PCDHGA6: variants seen among roughly 807,000 people sequenced by gnomAD.
PCDHGA6 encodes the protein protocadherin gamma-A6.
In PCDHGA6, 41 loss-of-function variants were observed where a neutral mutation model predicts 60.6. The ratio of observed to expected loss-of-function variants is 0.68; its 90% CI spans 0.53 to 0.88. The LOEUF (loss-of-function observed/expected upper bound fraction) is 0.88, where lower values mean the gene tolerates loss of function less well. PCDHGA6 is among the 40% of genes least tolerant of loss of function. The pLI is 0.00. For missense variants in PCDHGA6, 1,312 were observed against 1,203.0 expected, an observed-to-expected ratio of 1.09 and a Z score of -1.34; for synonymous variants, 594 against 524.4, an observed-to-expected ratio of 1.13 and a Z score of -1.81.
chr5:141,510,448 C>T (rs1339979584), intron 3 of PCDHGA6, among the ~76,000 whole-genome samples: 1 of 152,016 alleles, frequency 6.6e-6, no homozygotes, highest in Non-Finnish European at 1.5e-5. Context: ...TCCAGGAGCC[C>T]ATGGTCTAGT....
chr5:141,508,171 A>G (rs1364776681), intron 3 of PCDHGA6: 2 of 152,406 alleles, frequency 1.3e-5, no homozygotes, highest in African/African-American at 4.8e-5. Context: ...AGGCTGGCAC[A>G]GGAGAGAAGG....
chr5:141,482,728 A>T (rs192207285), intron 1 of PCDHGA6, among the ~76,000 whole-genome samples: 97 of 128,396 alleles, frequency 7.6e-4, no homozygotes, highest in Admixed American at 3.3e-3. Context: ...GGGCCATTGC[A>T]AGAAATTCCA....
rs950537869 is a variant in PCDHGA6, at chr5:141,432,150, A to G, written c.2424+55643A>G. 6.2e-7 allele frequency: 1 copy of G among 1,614,010 alleles called. No homozygotes were observed. On this transcript the variant is annotated intron_variant, in intron 1 of 3. Coordinates refer to ENST00000517434, the MANE Select transcript of PCDHGA6 (RefSeq NM_018919.3). The surrounding 1 kb of genome is among the most constrained non-coding windows in gnomAD (Gnocchi z 6.0). ...TCCTATTCCGCTTATATCCCAGAGA[A>G]CAATCCCAGAGGAGTTTCCCTCGTC...
In PCDHGA6 at chr5:141,488,566, A is replaced by T. The variant is rs1354931497; in HGVS notation, c.2425-6241A>T. On this transcript the variant is annotated intron_variant, in intron 1 of 3. Coordinates refer to ENST00000517434, the MANE Select transcript of PCDHGA6 (RefSeq NM_018919.3). ...TGTCAGCTGACATTGAGATTTCCGC[A>T]AAGCATTGCTGGAGAGTCAGGGCAA... 5.9e-5 allele frequency among the ~76,000 whole-genome samples: 9 copies of T among 152,324 alleles called. No individual in the cohort carries two copies. In the East Asian group the frequency reaches 1.5e-3, roughly 26 times the overall value.
At chr5:141,430,834 G>T (rs1317415848) in intron 1 of PCDHGA6, 1 of 1,557,712 alleles carries the variant, frequency 6.4e-7, no homozygotes, top group Non-Finnish European at 8.7e-7. Context: ...CTCTGTGGGA[G>T]ACCGGATGCA....
At position 141,491,413 on chromosome 5, in the gene PCDHGA6, G is replaced by A. The variant is rs1193417991; in HGVS notation, c.2425-3394G>A. 5.6e-6 allele frequency: 9 copies of A among 1,613,946 alleles called. No individual in the cohort carries two copies. Among genetic ancestry groups the A allele is most frequent in the Non-Finnish European group, 7.6e-6 (9 of 1,179,986 alleles). On this transcript the variant is annotated intron_variant, in intron 1 of 3. Transcript: ENST00000517434. The surrounding 1 kb of genome is among the most constrained non-coding windows in gnomAD (Gnocchi z 6.9). Reference sequence around the variant, plus strand: ...CCTTCAGGGAAACGCAGACGGGGACGGGGGTGGAGGGCAGTGCTGCAGGCG... The same window carrying A: ...CCTTCAGGGAAACGCAGACGGGGACAGGGGTGGAGGGCAGTGCTGCAGGCG...
chr5:141,476,977 C>T lies in PCDHGA6; in HGVS notation c.2425-17830C>T, dbSNP rs141692339. 3,083 of 1,614,232 alleles carry T rather than the reference C, an allele frequency of 1.9e-3. 52 individuals carry two copies. The African/African-American group carries it at 0.034, about 18-fold the overall frequency. Reference sequence around the variant, plus strand: ...TTATTTACTCCTTCGGCAGCCACAACCGCGCCGGCGTGCGGCAACTATTCG... The same window carrying T: ...TTATTTACTCCTTCGGCAGCCACAATCGCGCCGGCGTGCGGCAACTATTCG... On this transcript the variant is annotated intron_variant, in intron 1 of 3. Coordinates refer to ENST00000517434, the MANE Select transcript of PCDHGA6 (RefSeq NM_018919.3). This position sits in a 1 kb window ranked among gnomAD's most constrained non-coding sequence, Gnocchi z 7.6.
At chr5:141,482,530 C>CTAAAAA in intron 1 of PCDHGA6, among the ~76,000 whole-genome samples, 1 of 76,560 alleles carries the variant, frequency 1.3e-5, no homozygotes, top group African/African-American at 4.8e-5. Context: ...GACAGACATG[C>CTAAAAA]AAAAAAAAAA....
rs2097423534 is a variant in PCDHGA6 at position 141,431,850 on chromosome 5, C to A, written c.2424+55343C>A. 6.2e-7 allele frequency: 1 copy of A among 1,614,234 alleles called. No individual in the cohort carries two copies. ...GTTCCCGAAAACTCTCCCAGAGGGA[C>A]ATTAATTGCCCTTTTAAATGTAAAT... On this transcript the variant is annotated intron_variant, in intron 1 of 3. Coordinates refer to ENST00000517434, the MANE Select transcript of PCDHGA6 (RefSeq NM_018919.3). This position sits in a 1 kb window ranked among gnomAD's most constrained non-coding sequence, Gnocchi z 4.8.
Position 141,430,867 on chromosome 5 carries a change from G to T in PCDHGA6, c.2424+54360G>T, listed in dbSNP as rs1157718106. ...GCACCCAGATACGCTATTCAGTTCC[G>T]GAAGAGCTGGAGAAAGGCTCTAGGG... On this transcript the variant is annotated intron_variant, in intron 1 of 3. Coordinates refer to ENST00000517434, the MANE Select transcript of PCDHGA6 (RefSeq NM_018919.3). 2.5e-6 allele frequency: 4 copies of T among 1,596,238 alleles called. No individual in the cohort carries two copies. In the East Asian group the frequency reaches 8.9e-5, roughly 36 times the overall value.
intron 1 of PCDHGA6, chr5:141,428,481 C>T (rs2097141995): frequency 3.0e-6 from 1 of 331,008 alleles, no homozygotes; most frequent in Non-Finnish European, 5.8e-6. Flanking sequence ...TGCTTTATTC[C>T]TGCAATCTGT....
At chr5:141,469,770 A>G (rs1003620088) in intron 1 of PCDHGA6, among the ~76,000 whole-genome samples, 4 of 152,234 alleles carry the variant, frequency 2.6e-5, no homozygotes, top group Non-Finnish European at 5.9e-5. Flanking sequence ...ATACCAGCTT[A>G]TTTATTACAG....
At chr5:141,423,806 T>A in intron 1 of PCDHGA6, 1 of 1,251,576 alleles carries the variant, frequency 8.0e-7, no homozygotes, top group African/African-American at 1.6e-5. Flanking sequence ...GCAATACATG[T>A]GAGTTTTACT....
intron 1 of PCDHGA6, chr5:141,423,833 T>G: frequency 1.8e-5 from 23 of 1,262,362 alleles, no homozygotes; most frequent in East Asian, 7.3e-5. Flanking sequence ...TTCATGAGAT[T>G]ACGATAATCT....
Position 141,487,401 on chromosome 5 carries a change from T to C in PCDHGA6, c.2425-7406T>C, listed in dbSNP as rs2099644244. The C allele has an allele frequency of 6.2e-7, 1 of 1,614,134 alleles. No individual in the cohort carries two copies. The highest frequency in any genetic ancestry group is 1.3e-5 in the African/African-American group (1 of 75,046). On this transcript the variant is annotated intron_variant, in intron 1 of 3. Transcript: ENST00000517434. This position sits in a 1 kb window ranked among gnomAD's most constrained non-coding sequence, Gnocchi z 5.0. ...ACCAGATCTCGAAGGAGGGAGGGGCTTCCCCCTTCCAATGGGATCCTCCGA... is the reference window on the plus strand; with the variant it reads ...ACCAGATCTCGAAGGAGGGAGGGGCCTCCCCCTTCCAATGGGATCCTCCGA...
chr5:141,501,299 AC>A (rs1446641380), intron 2 of PCDHGA6, among the ~76,000 whole-genome samples: 1 of 149,208 alleles, frequency 6.7e-6, no homozygotes, highest in African/African-American at 2.5e-5. Flanking sequence ...ATACACACAC[AC>A]ACACACACAC....
chr5:141,384,847 G>A (rs781186343), intron 1 of PCDHGA6: 9 of 1,613,590 alleles, frequency 5.6e-6, no homozygotes, highest in Admixed American at 3.3e-5. Flanking sequence ...CCAGGACCAC[G>A]GTCAGCCTCC....
intron 1 of PCDHGA6, among the ~76,000 whole-genome samples, chr5:141,471,992 C>T (rs2099268578): frequency 6.6e-6 from 1 of 152,070 alleles, no homozygotes; most frequent in Non-Finnish European, 1.5e-5. Flanking sequence ...TATTAAAAAT[C>T]CCTGCATCGT....
intron 1 of PCDHGA6, chr5:141,388,760 G>T: frequency 6.2e-7 from 1 of 1,613,930 alleles, no homozygotes; most frequent in Non-Finnish European, 8.5e-7. Flanking sequence ...AATTTGACCT[G>T]AACTCTAACA....
Sources: allele counts gnomAD v4.1 joint callset (sites outside exome capture counted in the v4.1 genomes callset), GRCh38; gene constraint gnomAD v4.1.1; non-coding constraint Gnocchi (gnomAD v3.1); transcripts MANE v1.5; gene names NCBI Gene and HGNC (gene_info 2026-07-23, HGNC 2026-07-21).